Variants in PLEKHH2 observed in about 807,000 individuals in gnomAD.
PLEKHH2 encodes the protein pleckstrin homology domain-containing family H member 2.
PLEKHH2 carries 129 observed loss-of-function variants against 187.9 expected under a neutral mutation model. The ratio of observed to expected loss-of-function variants is 0.69; its 90% CI spans 0.59 to 0.79. The LOEUF (loss-of-function observed/expected upper bound fraction) is 0.79. Ranked by LOEUF, PLEKHH2 falls within the 30% of genes least tolerant of loss-of-function variation. PLEKHH2 has a pLI of 0.00. For synonymous variants in PLEKHH2, 686 were observed against 605.6 expected (o/e 1.13, Z -1.95); for missense variants, 2,076 against 1,751.2 (o/e 1.19, Z -3.31).
intron 2 of PLEKHH2, among the ~76,000 whole-genome samples, chr2:43,677,694 G>C (rs988306612): frequency 6.6e-6 from 1 of 151,704 alleles, no homozygotes; most frequent in African/African-American, 2.4e-5. Context: ...ATCATGGCCC[G>C]TTCTCAATGA....
chr2:43,713,250 G>A (rs1242749588), intron 15 of PLEKHH2, among the ~76,000 whole-genome samples: 5 of 152,070 alleles, frequency 3.3e-5, no homozygotes, highest in Non-Finnish European at 5.9e-5. Flanking sequence ...AAAAAATGAG[G>A]TATGATTAAT....
rs930859469 is a variant in PLEKHH2, at chr2:43,748,809, T to G, written c.3653+2846T>G. On this transcript the variant is annotated intron_variant, in intron 24 of 29. Transcript: ENST00000282406. ...TTCACCCTTGCTGCCCAGGCTGGAG[T>G]GCAATGGCACGATCTCAGCTTACTG... Among the ~76,000 whole-genome samples, 5 of 151,554 alleles carry G rather than the reference T, an allele frequency of 3.3e-5. No individual in the cohort carries two copies. In the East Asian group the frequency reaches 9.7e-4, roughly 29 times the overall value.
chr2:43,652,593 G>T (rs1298028279), intron 2 of PLEKHH2, among the ~76,000 whole-genome samples: 6 of 152,188 alleles, frequency 3.9e-5, no homozygotes, highest in Admixed American at 3.9e-4. Context: ...GAAAGAAATA[G>T]TGATGCTGAC....
chr2:43,707,649 C>T, intron 11 of PLEKHH2, 104 bp downstream of exon 11: 1 of 1,354,078 alleles, frequency 7.4e-7, no homozygotes, highest in East Asian at 2.5e-5. Flanking sequence ...CAAGAACTTG[C>T]TTCAGACCCT....
At chr2:43,675,368 C>T in intron 2 of PLEKHH2, 3 of 1,560,430 alleles carry the variant, frequency 1.9e-6, no homozygotes, top group Non-Finnish European at 2.6e-6. Flanking sequence ...CTATTATTCT[C>T]CAGGCCTCAG....
chr2:43,677,613 C>A (rs181462262), intron 2 of PLEKHH2, among the ~76,000 whole-genome samples: 1 of 151,352 alleles, frequency 6.6e-6, no homozygotes, highest in Non-Finnish European at 1.5e-5. Context: ...CACACAGACA[C>A]GGCAACCATC....
chr2:43,681,324 T>A, intron 3 of PLEKHH2: 1 of 912,584 alleles, frequency 1.1e-6, no homozygotes, highest in Non-Finnish European at 1.7e-6. Flanking sequence ...AGGAATTTGG[T>A]GTTCTCAGCT....
At chr2:43,685,019 T>C (rs1440784264) in intron 3 of PLEKHH2, among the ~76,000 whole-genome samples, 9 of 152,256 alleles carry the variant, frequency 5.9e-5, no homozygotes, top group Non-Finnish European at 1.2e-4. Context: ...AGATGAATTC[T>C]CATGCACTGA....
At chr2:43,639,233 A>G (rs562556035) in intron 1 of PLEKHH2, among the ~76,000 whole-genome samples, 1 of 152,332 alleles carries the variant, frequency 6.6e-6, no homozygotes, top group African/African-American at 2.4e-5. Flanking sequence ...TTCTTTAGTC[A>G]TTTGTAAATA....
At chr2:43,641,957 C>T (rs1665955499) in intron 1 of PLEKHH2, among the ~76,000 whole-genome samples, 1 of 152,170 alleles carries the variant, frequency 6.6e-6, no homozygotes, top group Admixed American at 6.5e-5. Flanking sequence ...TTTGTCTATT[C>T]TTCAGCCCTT....
intron 18 of PLEKHH2, among the ~76,000 whole-genome samples, chr2:43,730,944 A>C (rs1216646665): frequency 1.3e-5 from 2 of 152,160 alleles, no homozygotes; most frequent in Non-Finnish European, 2.9e-5. Flanking sequence ...CCCCCTACCT[A>C]GGTCACCAAT....
At chr2:43,680,711 G>C (rs1341074437) in intron 3 of PLEKHH2, 1 of 415,886 alleles carries the variant, frequency 2.4e-6, no homozygotes, top group Admixed American at 3.0e-5. Flanking sequence ...CCTTCCGAAG[G>C]AAATTTATCA....
intron 24 of PLEKHH2, among the ~76,000 whole-genome samples, chr2:43,749,718 C>T (rs1216211470): frequency 6.6e-6 from 1 of 152,168 alleles, no homozygotes; most frequent in African/African-American, 2.4e-5. Flanking sequence ...CGTGCTTTGC[C>T]GGTGTTTATA....
At chr2:43,729,832 G>T in intron 18 of PLEKHH2, 87 bp downstream of exon 18, 1 of 829,660 alleles carries the variant, frequency 1.2e-6, no homozygotes, top group Non-Finnish European at 1.8e-6. Flanking sequence ...CACTTAATGG[G>T]TTCCTGTTTC....
At chr2:43,730,307 A>G (rs1415992323) in intron 18 of PLEKHH2, among the ~76,000 whole-genome samples, 1 of 152,210 alleles carries the variant, frequency 6.6e-6, no homozygotes, top group Non-Finnish European at 1.5e-5. Flanking sequence ...TAGTGTTTAT[A>G]TATTTTATGT....
chr2:43,685,381 G>C (rs1668452838), intron 3 of PLEKHH2, among the ~76,000 whole-genome samples: 1 of 152,172 alleles, frequency 6.6e-6, no homozygotes, highest in African/African-American at 2.4e-5. Context: ...TTTATTGCCA[G>C]ATAAATCTTG....
intron 8 of PLEKHH2, 52 bp from the exon 9 acceptor site, chr2:43,703,929 T>C: frequency 1.6e-6 from 1 of 633,054 alleles, no homozygotes; most frequent in South Asian, 2.2e-5. Flanking sequence ...TTTTTTTTTT[T>C]TTTTTTTTTT....
At chr2:43,711,222 T>C (rs1669949244) in intron 14 of PLEKHH2, 8 of 985,420 alleles carry the variant, frequency 8.1e-6, no homozygotes, top group Non-Finnish European at 9.6e-6. Flanking sequence ...TTTCTTATAT[T>C]GCTCCTTTGG....
chr2:43,669,422 A>G (rs1343154040), intron 2 of PLEKHH2, among the ~76,000 whole-genome samples: 1 of 152,186 alleles, frequency 6.6e-6, no homozygotes, highest in Non-Finnish European at 1.5e-5. Context: ...ACTAAAAACC[A>G]CTGAATTACA....
Sources: gnomAD v4.1 joint callset for allele counts (sites outside exome capture counted in the v4.1 genomes callset) on GRCh38, gnomAD v4.1.1 for gene constraint, MANE v1.5 for transcripts, NCBI Gene and HGNC (gene_info 2026-07-23, HGNC 2026-07-21) for gene names.